Variants in HERPUD2 observed in about 807,000 individuals in gnomAD.
HERPUD2 encodes the protein HERPUD family member 2, also known as homocysteine-responsive endoplasmic reticulum-resident ubiquitin-like domain member 2 protein.
Under a neutral mutation model 49.9 loss-of-function variants are expected in HERPUD2, and 13 were observed. That is an observed-to-expected ratio of 0.26 (90% CI 0.17 to 0.41). The LOEUF is 0.41. HERPUD2 is among the 10% of genes least tolerant of loss of function. HERPUD2 has a pLI of 1.00. For synonymous variants in HERPUD2, 172 were observed against 171.4 expected, an observed-to-expected ratio of 1.00 and a Z score of -0.03; for missense variants, 449 against 492.2, an observed-to-expected ratio of 0.91 and a Z score of 0.83.
In HERPUD2 at chr7:35,648,898, A is replaced by G. The variant is rs556072468; in HGVS notation, c.495-10426T>C. 5.9e-5 allele frequency among the ~76,000 whole-genome samples: 9 copies of G among 152,332 alleles called. 1 individual carries two copies. In the East Asian group the frequency reaches 1.7e-3, roughly 29 times the overall value. ...AAAACTAACTAATACGCTCTCCATC[A>G]ATATATGTGTGAACAAATTAGTAAA... On this transcript the variant is annotated intron_variant, in intron 5 of 8. Coordinates refer to ENST00000311350, the MANE Select transcript of HERPUD2 (RefSeq NM_022373.5).
intron 5 of HERPUD2, among the ~76,000 whole-genome samples, chr7:35,655,425 A>C (rs1785256687): frequency 6.6e-6 from 1 of 152,236 alleles, no homozygotes; most frequent in South Asian, 2.1e-4. Flanking sequence ...AATAGATGCA[A>C]ATCAATAAAC....
intron 5 of HERPUD2, among the ~76,000 whole-genome samples, chr7:35,649,251 T>TGAA (rs1785115134): frequency 6.9e-6 from 1 of 145,028 alleles, no homozygotes; most frequent in Admixed American, 6.9e-5. Flanking sequence ...ACTCCATCTC[T>TGAA]GAAAAAAAAA....
At chr7:35,670,152 A>T in intron 4 of HERPUD2, 63 bp downstream of exon 4, 1 of 801,984 alleles carries the variant, frequency 1.2e-6, no homozygotes, top group Non-Finnish European at 2.0e-6. Flanking sequence ...TTAGAGGCAA[A>T]AAATAAGACG....
At position 35,674,463 on chromosome 7, in the gene HERPUD2, A is replaced by G. The variant is rs1417641128; in HGVS notation, c.148-1185T>C. On this transcript the variant is annotated intron_variant, in intron 2 of 8. Transcript: ENST00000311350. ...GAGAGAGAGAGAGAGAGAGAGAGAG[A>G]GGAGCACTGTGGTATCGTAAAATGT... is the stretch of plus-strand genomic sequence containing the variant. Among the ~76,000 whole-genome samples the G allele has an allele frequency of 8.9e-5, 11 of 123,048 alleles. 1 individual carries two copies. The highest frequency in any genetic ancestry group is 5.4e-4 in the South Asian group (2 of 3,670). 80.7% of individuals were successfully genotyped at this position (123,048 alleles called of 152,430 possible). A position where few individuals can be genotyped will look rare whatever the true frequency, so the allele number is the denominator to read the frequency against.
intron 2 of HERPUD2, among the ~76,000 whole-genome samples, chr7:35,682,356 TGTA>T (rs1785929413): frequency 6.6e-5 from 1 of 15,212 alleles, no homozygotes; most frequent in Non-Finnish European, 2.0e-4. Flanking sequence ...TGTGTGTGTG[TGTA>T]TATATATATA....
chr7:35,663,016 A>C (rs1368715148), intron 5 of HERPUD2, among the ~76,000 whole-genome samples: 4 of 152,144 alleles, frequency 2.6e-5, no homozygotes, highest in Admixed American at 1.3e-4. Context: ...TAGTGCTATA[A>C]ATTTCCCTCT....
At position 35,632,780 on chromosome 7, in the gene HERPUD2, C is replaced by A. The variant is rs1298689617; in HGVS notation, c.*910G>T. The A allele has an allele frequency of 6.6e-6, 1 of 152,504 alleles. No homozygotes were observed. The highest frequency in any genetic ancestry group is 1.9e-4 in the East Asian group (1 of 5,200). 9.4% of individuals were successfully genotyped at this position (152,504 alleles called of 1,614,324 possible). A position where few individuals can be genotyped will look rare whatever the true frequency, so the allele number is the denominator to read the frequency against. ...CACGTTAATTCCATTGAAGAGCTGCCTTTTTCTGTTAAGGTACTGATTCCA... is the reference window on the plus strand; with the variant it reads ...CACGTTAATTCCATTGAAGAGCTGCATTTTTCTGTTAAGGTACTGATTCCA... On this transcript the variant is annotated 3_prime_UTR_variant, in exon 9 of 9. Coordinates refer to ENST00000311350, the MANE Select transcript of HERPUD2 (RefSeq NM_022373.5).
intron 2 of HERPUD2, among the ~76,000 whole-genome samples, chr7:35,689,347 C>T (rs1562689622): frequency 6.6e-6 from 1 of 152,136 alleles, no homozygotes; most frequent in Non-Finnish European, 1.5e-5. Context: ...ATGAAACCCT[C>T]TTAAATGTAT....
chr7:35,670,723 A>T (rs571779565), intron 3 of HERPUD2, among the ~76,000 whole-genome samples: 2 of 152,268 alleles, frequency 1.3e-5, no homozygotes, highest in East Asian at 3.9e-4. Flanking sequence ...AATAAACTCA[A>T]ATAACTTCAT....
intron 3 of HERPUD2, among the ~76,000 whole-genome samples, chr7:35,671,719 C>T (rs982693219): frequency 6.6e-6 from 1 of 151,936 alleles, no homozygotes; most frequent in Non-Finnish European, 1.5e-5. Flanking sequence ...ATGTATTACT[C>T]AAAATGTTTT....
At chr7:35,653,016 A>C (rs1785199535) in intron 5 of HERPUD2, among the ~76,000 whole-genome samples, 1 of 152,192 alleles carries the variant, frequency 6.6e-6, no homozygotes, top group Non-Finnish European at 1.5e-5. Flanking sequence ...AGAGAAAGAA[A>C]GGAAGAAATG....
chr7:35,671,975 A>G (rs1267373780), intron 3 of HERPUD2, among the ~76,000 whole-genome samples: 1 of 152,090 alleles, frequency 6.6e-6, no homozygotes, highest in Non-Finnish European at 1.5e-5. Flanking sequence ...GCCAGAATAC[A>G]GAGGTTTTTA....
chr7:35,690,572 G>A (rs1786158428), intron 2 of HERPUD2, among the ~76,000 whole-genome samples: 1 of 152,226 alleles, frequency 6.6e-6, no homozygotes, highest in African/African-American at 2.4e-5. Context: ...CACTTCGGGA[G>A]GCCGAGGTGG....
At chr7:35,689,320 C>A (rs1387418338) in intron 2 of HERPUD2, among the ~76,000 whole-genome samples, 4 of 152,156 alleles carry the variant, frequency 2.6e-5, no homozygotes, top group African/African-American at 9.7e-5. Flanking sequence ...AAATCTTGAA[C>A]TATATTCCCA....
intron 5 of HERPUD2, among the ~76,000 whole-genome samples, chr7:35,649,570 A>T (rs975535960): frequency 6.6e-6 from 1 of 152,148 alleles, no homozygotes; most frequent in South Asian, 2.1e-4. Flanking sequence ...CATTTTAGGG[A>T]GACATGGGAC....
chr7:35,635,107 C>A, intron 7 of HERPUD2, 28 bp downstream of exon 7: 1 of 1,568,016 alleles, frequency 6.4e-7, no homozygotes. Flanking sequence ...AGAAATTAAA[C>A]CACAAAAAGT....
chr7:35,634,469 T>G (rs778201539), intron 7 of HERPUD2, 40 bp from the exon 8 acceptor site: 1 of 1,213,964 alleles, frequency 8.2e-7, no homozygotes, highest in Admixed American at 1.8e-5. Context: ...TAAGTCACAG[T>G]TGTTTTTATT....
At chr7:35,671,311 T>G (rs1209924742) in intron 3 of HERPUD2, among the ~76,000 whole-genome samples, 1 of 152,024 alleles carries the variant, frequency 6.6e-6, no homozygotes, top group African/African-American at 2.4e-5. Flanking sequence ...AACAGTCTTT[T>G]TTTCATGAAA....
chr7:35,676,825 CCTA>C (rs1250516026), intron 2 of HERPUD2, among the ~76,000 whole-genome samples: 1 of 152,050 alleles, frequency 6.6e-6, no homozygotes, highest in Non-Finnish European at 1.5e-5. Flanking sequence ...TTTGTTTTAT[CCTA>C]CTACATGTAA....
Sources: allele counts gnomAD v4.1 joint callset (sites outside exome capture counted in the v4.1 genomes callset), GRCh38; gene constraint gnomAD v4.1.1; transcripts MANE v1.5; gene names NCBI Gene and HGNC (gene_info 2026-07-23, HGNC 2026-07-21).